Variants in QRICH1 observed in about 807,000 individuals in gnomAD.
QRICH1 encodes transcriptional regulator QRICH1.
QRICH1 carries 16 observed loss-of-function variants against 87.1 expected under a neutral mutation model. That is an observed-to-expected ratio of 0.18 (90% CI 0.12 to 0.28). The LOEUF is 0.28. Among genes scored for constraint, QRICH1 ranks in the 10% least tolerant of loss-of-function variants. The pLI is 1.00. For missense variants in QRICH1, 647 were observed against 951.7 expected, an observed-to-expected ratio of 0.68 and a Z score of 4.21; for synonymous variants, 367 against 368.4, an observed-to-expected ratio of 1.00 and a Z score of 0.05.
chr3:49,068,439 C>T (rs1416141263), intron 2 of QRICH1, among the ~76,000 whole-genome samples: 1 of 142,452 alleles, frequency 7.0e-6, no homozygotes, highest in African/African-American at 2.6e-5. Flanking sequence ...GCCTGGGTGA[C>T]AGAGCAGGAC....
At chr3:49,069,825 TG>T (rs1186908545) in intron 2 of QRICH1, among the ~76,000 whole-genome samples, 1 of 152,058 alleles carries the variant, frequency 6.6e-6, no homozygotes, top group African/African-American at 2.4e-5. Flanking sequence ...ATCAAACTAA[TG>T]TATCTCTAAC....
chr3:49,031,468 T>G (rs982714338), intron 9 of QRICH1, among the ~76,000 whole-genome samples: 4 of 152,166 alleles, frequency 2.6e-5, no homozygotes, highest in Admixed American at 2.6e-4. Context: ...AGGTCAGCAC[T>G]AGGTGCTGAT....
chr3:49,056,729 C>T lies in QRICH1; in HGVS notation c.1338+133G>A, dbSNP rs771814549. 4 of 1,428,164 alleles carry T rather than the reference C, an allele frequency of 2.8e-6. No homozygotes were observed. In the Admixed American group the frequency reaches 6.0e-5, roughly 22 times the overall value. The allele number at this position is 1,428,164 out of a possible 1,614,324, so 88.5% of individuals were successfully genotyped here. A position where few individuals can be genotyped will look rare whatever the true frequency, so the allele number is the denominator to read the frequency against. ...CTCACGTGATGTTTCTCCCCCTCTTCTCCCAAATACTAAATACTGCATCAC... is the reference window on the plus strand; with the variant it reads ...CTCACGTGATGTTTCTCCCCCTCTTTTCCCAAATACTAAATACTGCATCAC... On this transcript the variant is annotated intron_variant, in intron 3 of 9. Coordinates refer to ENST00000395443, the MANE Select transcript of QRICH1 (RefSeq NM_198880.3).
chr3:49,038,396 A>T (rs1431705128), intron 6 of QRICH1, among the ~76,000 whole-genome samples: 1 of 151,238 alleles, frequency 6.6e-6, no homozygotes, highest in East Asian at 2.0e-4. Context: ...TTATGGATTT[A>T]CCTTTTTTGT....
intron 6 of QRICH1, among the ~76,000 whole-genome samples, chr3:49,042,033 A>T (rs2093313259): frequency 6.7e-6 from 1 of 148,628 alleles, no homozygotes; most frequent in African/African-American, 2.5e-5. Context: ...TTGGTCTCCC[A>T]AAGTGCTGGG....
intron 2 of QRICH1, among the ~76,000 whole-genome samples, chr3:49,064,234 ATTTTTTTTTTT>A (rs1029737044): frequency 0.023 from 2,148 of 92,398 alleles, 66 homozygotes; most frequent in African/African-American, 0.082. Context: ...GCTGGCCCTA[ATTTTTTTTTTT>A]TTTTTTTTTT....
At chr3:49,039,932 A>G (rs1023928791) in intron 6 of QRICH1, among the ~76,000 whole-genome samples, 1 of 152,058 alleles carries the variant, frequency 6.6e-6, no homozygotes. Context: ...CGTGGGGCAC[A>G]TGCCTGTATT....
chr3:49,074,390 G>A (rs2106970106), intron 2 of QRICH1, among the ~76,000 whole-genome samples: 1 of 151,770 alleles, frequency 6.6e-6, no homozygotes, highest in East Asian at 2.0e-4. Context: ...GGCTAACATG[G>A]TGAAACCCCG....
intron 1 of QRICH1, chr3:49,093,684 A>T (rs2042325242): frequency 9.4e-6 from 2 of 212,442 alleles, no homozygotes; most frequent in South Asian, 1.9e-4. Context: ...GCGCGCCCGC[A>T]CCGGCGCGCC....
rs561977683 is a variant in QRICH1, at chr3:49,082,638, G to A, written c.-21-5600C>T. Among the ~76,000 whole-genome samples, 7 of 152,244 alleles carry A rather than the reference G, an allele frequency of 4.6e-5. No individual in the cohort carries two copies. In the South Asian group the frequency reaches 1.2e-3, roughly 27 times the overall value. ...AAGCCGGGCACGGTGGCTCACGCCT[G>A]TAATCCCAGCACTTTGGGAGGCTGA... On this transcript the variant is annotated intron_variant, in intron 1 of 9. Coordinates refer to ENST00000395443, the MANE Select transcript of QRICH1 (RefSeq NM_198880.3).
At chr3:49,062,860 C>A (rs1264626183) in intron 2 of QRICH1, among the ~76,000 whole-genome samples, 2 of 151,776 alleles carry the variant, frequency 1.3e-5, no homozygotes, top group Non-Finnish European at 2.9e-5. Context: ...ATTAGCCAGG[C>A]GTGGTGACGG....
At chr3:49,039,394 T>C (rs2093295886) in intron 6 of QRICH1, among the ~76,000 whole-genome samples, 1 of 149,668 alleles carries the variant, frequency 6.7e-6, no homozygotes, top group Admixed American at 6.7e-5. Context: ...TAAGTAAGTA[T>C]GATAGGCTGG....
At chr3:49,049,330 A>G (rs1482923823) in intron 3 of QRICH1, among the ~76,000 whole-genome samples, 1 of 151,692 alleles carries the variant, frequency 6.6e-6, no homozygotes, top group Non-Finnish European at 1.5e-5. Context: ...CTGTAATCTC[A>G]GCTACTTGGG....
At chr3:49,080,485 A>C (rs1286088700) in intron 1 of QRICH1, among the ~76,000 whole-genome samples, 1 of 152,114 alleles carries the variant, frequency 6.6e-6, no homozygotes, top group Non-Finnish European at 1.5e-5. Context: ...AACAAAACAA[A>C]AACAACAACA....
At position 49,030,137 on chromosome 3, in the gene QRICH1, A is replaced by T; in HGVS notation, c.*315T>A. 1 of 430,972 alleles carries T rather than the reference A, an allele frequency of 2.3e-6. No individual in the cohort carries two copies. Among genetic ancestry groups the T allele is most frequent in the East Asian group, 3.6e-5 (1 of 27,682 alleles). The allele number at this position is 430,972 out of a possible 1,614,324, so 26.7% of individuals were successfully genotyped here. A position where few individuals can be genotyped will look rare whatever the true frequency, so the allele number is the denominator to read the frequency against. On this transcript the variant is annotated 3_prime_UTR_variant, in exon 10 of 10. Transcript: ENST00000395443. Reference sequence around the variant, plus strand: ...AATTCCATCTCTCTTGAAGATGGAAAGGGGCCACATTTCTTTTCACAGTCC... The same window carrying T: ...AATTCCATCTCTCTTGAAGATGGAATGGGGCCACATTTCTTTTCACAGTCC...
At position 49,065,305 on chromosome 3, in the gene QRICH1, C is replaced by T. The variant is rs552607554; in HGVS notation, c.310-7415G>A. On this transcript the variant is annotated intron_variant, in intron 2 of 9. Transcript: ENST00000395443. ...GATAACAGGGGCATGCCACCATGTC[C>T]GGCTAATTTTTGTATTTTTAGTAGA... is the stretch of plus-strand genomic sequence containing the variant. Among the ~76,000 whole-genome samples the T allele has an allele frequency of 3.3e-5, 5 of 151,954 alleles. No individual in the cohort carries two copies. The East Asian group carries it at 5.9e-4, about 18-fold the overall frequency.
chr3:49,064,831 A>G (rs2106934226), intron 2 of QRICH1, among the ~76,000 whole-genome samples: 1 of 152,248 alleles, frequency 6.6e-6, no homozygotes, highest in East Asian at 1.9e-4. Flanking sequence ...CGCCTGGACA[A>G]GATGGTGAAA....
intron 1 of QRICH1, among the ~76,000 whole-genome samples, chr3:49,086,072 G>A (rs1438328759): frequency 6.6e-6 from 1 of 151,566 alleles, no homozygotes; most frequent in African/African-American, 2.4e-5. Flanking sequence ...AATGCTCTTG[G>A]GGTGTATGAG....
intron 9 of QRICH1, among the ~76,000 whole-genome samples, chr3:49,031,900 T>G (rs2093242835): frequency 6.6e-6 from 1 of 152,200 alleles, no homozygotes; most frequent in Non-Finnish European, 1.5e-5. Flanking sequence ...AGCAGGGCCA[T>G]GCTCAATATG....
Sources: gnomAD v4.1 joint callset for allele counts (sites outside exome capture counted in the v4.1 genomes callset) on GRCh38, gnomAD v4.1.1 for gene constraint, MANE v1.5 for transcripts, NCBI Gene and HGNC (gene_info 2026-07-23, HGNC 2026-07-21) for gene names.